Variants in NIM1K observed in about 807,000 individuals in gnomAD.
NIM1K encodes the protein serine/threonine-protein kinase NIM1.
Under a neutral mutation model 37.1 loss-of-function variants are expected in NIM1K, and 35 were observed. That is an observed-to-expected ratio of 0.94 (90% CI 0.72 to 1.25). The LOEUF is 1.25. Among genes scored for constraint, NIM1K ranks in the 50% most tolerant of loss-of-function variants. The pLI is 0.00. For missense variants in NIM1K, 564 were observed against 548.0 expected, an observed-to-expected ratio of 1.03 and a Z score of -0.29; for synonymous variants, 234 against 206.6, an observed-to-expected ratio of 1.13 and a Z score of -1.14.
intron 1 of NIM1K, among the ~76,000 whole-genome samples, chr5:43,240,045 A>G (rs1183965685): frequency 6.6e-6 from 1 of 152,004 alleles, no homozygotes; most frequent in African/African-American, 2.4e-5. Flanking sequence ...AACACATTAA[A>G]TATTTTTAAT....
At position 43,193,990 on chromosome 5, in the gene NIM1K, T is replaced by A. The variant is rs183244373; in HGVS notation, c.-695+1579T>A. On this transcript the variant is annotated intron_variant, in intron 1 of 3. Transcript: ENST00000326035. Reference sequence around the variant, plus strand: ...TCCCAAGGCATGTTGTTGTTTTTTTTATTTTATTTTTTCAGAGTTTGCAGT... The same window carrying A: ...TCCCAAGGCATGTTGTTGTTTTTTTAATTTTATTTTTTCAGAGTTTGCAGT... 5.9e-5 allele frequency among the ~76,000 whole-genome samples: 9 copies of A among 152,348 alleles called. No individual in the cohort carries two copies. In the East Asian group the frequency reaches 1.7e-3, roughly 29 times the overall value.
At chr5:43,266,533 G>T (rs1753164486) in intron 2 of NIM1K, among the ~76,000 whole-genome samples, 1 of 152,146 alleles carries the variant, frequency 6.6e-6, no homozygotes, top group African/African-American at 2.4e-5. Context: ...ACTTCCCTTG[G>T]CTAAGAAAGG....
chr5:43,267,390 C>G (rs1348163463), intron 2 of NIM1K, among the ~76,000 whole-genome samples: 1 of 152,104 alleles, frequency 6.6e-6, no homozygotes, highest in East Asian at 1.9e-4. Flanking sequence ...TTTTGTTTAT[C>G]TTTTCAAAGA....
In NIM1K at chr5:43,222,952, A is replaced by C. The variant is rs550743100; in HGVS notation, c.-694-22130A>C. 2.0e-5 allele frequency among the ~76,000 whole-genome samples: 3 copies of C among 152,088 alleles called. No individual in the cohort carries two copies. In the South Asian group the frequency reaches 6.2e-4, roughly 32 times the overall value. On this transcript the variant is annotated intron_variant, in intron 1 of 3. Transcript: ENST00000326035. ...TCAGGAGTTTGAGACCAGCCTGACC[A>C]ACACGGCGAAACCCCATCTCTACTA...
At chr5:43,256,637 C>G (rs1752951659) in intron 2 of NIM1K, among the ~76,000 whole-genome samples, 1 of 152,206 alleles carries the variant, frequency 6.6e-6, no homozygotes, top group African/African-American at 2.4e-5. Flanking sequence ...TGGCTAGTCT[C>G]TCTGTCTCTC....
chr5:43,213,199 TTCTTTCTTTCTTTCTTTCTTTC>T (rs1259820781), intron 1 of NIM1K, among the ~76,000 whole-genome samples: 4,901 of 66,680 alleles, frequency 0.074, 148 homozygotes, highest in Middle Eastern at 0.12. Context: ...CTTTCTTTCT[TTCTTTCTTTCTTTCTTTCTTTC>T]TTTCCTTCTT....
intron 1 of NIM1K, among the ~76,000 whole-genome samples, chr5:43,203,910 C>T (rs1486467995): frequency 6.6e-6 from 1 of 151,600 alleles, no homozygotes; most frequent in Non-Finnish European, 1.5e-5. Flanking sequence ...CCTATAATCC[C>T]AGCTACTCGG....
intron 2 of NIM1K, among the ~76,000 whole-genome samples, chr5:43,259,301 T>C (rs1752993826): frequency 6.6e-6 from 1 of 152,234 alleles, no homozygotes; most frequent in African/African-American, 2.4e-5. Context: ...ATGGTAGATC[T>C]ACTCTCAGAT....
intron 1 of NIM1K, among the ~76,000 whole-genome samples, chr5:43,223,612 C>G (rs1752411451): frequency 6.6e-6 from 1 of 152,156 alleles, no homozygotes; most frequent in African/African-American, 2.4e-5. Context: ...CAGCTCTCTT[C>G]TTATTAATGT....
chr5:43,207,113 GA>G, intron 1 of NIM1K: 1 of 721,258 alleles, frequency 1.4e-6, no homozygotes, highest in Non-Finnish European at 2.6e-6. Context: ...GGTGGTGTAT[GA>G]TGAAGATTCA....
chr5:43,268,528 C>T (rs1047048706), intron 2 of NIM1K, among the ~76,000 whole-genome samples: 5 of 152,006 alleles, frequency 3.3e-5, no homozygotes, highest in African/African-American at 1.2e-4. Context: ...CCATATGGGT[C>T]CAAGTGAAGC....
chr5:43,239,480 C>T (rs1436571857), intron 1 of NIM1K, among the ~76,000 whole-genome samples: 3 of 145,494 alleles, frequency 2.1e-5, no homozygotes, highest in Non-Finnish European at 3.0e-5. Context: ...CCTCATGATC[C>T]GCCTGCCTTG....
intron 2 of NIM1K, among the ~76,000 whole-genome samples, chr5:43,256,916 C>G (rs2112277922): frequency 6.6e-6 from 1 of 152,294 alleles, no homozygotes; most frequent in Middle Eastern, 3.4e-3. Flanking sequence ...AGGATCACCT[C>G]CCTCATAAAC....
At chr5:43,233,228 T>C (rs1752567640) in intron 1 of NIM1K, 1 of 840,518 alleles carries the variant, frequency 1.2e-6, no homozygotes, top group African/African-American at 1.7e-5. Flanking sequence ...AGATTGTTGC[T>C]TCTTACAGTG....
intron 1 of NIM1K, chr5:43,192,851 C>G (rs1751853534): frequency 6.6e-6 from 1 of 152,292 alleles, no homozygotes; most frequent in African/African-American, 2.4e-5. Flanking sequence ...TGCGCTGGAC[C>G]AGAGCCCTAA....
intron 2 of NIM1K, among the ~76,000 whole-genome samples, chr5:43,257,796 T>G (rs1266989228): frequency 6.6e-6 from 1 of 151,380 alleles, no homozygotes; most frequent in Admixed American, 6.6e-5. Flanking sequence ...TGGTGGCACA[T>G]GCCTATAGTC....
intron 2 of NIM1K, among the ~76,000 whole-genome samples, chr5:43,254,649 G>A (rs1363633112): frequency 6.6e-6 from 1 of 152,216 alleles, no homozygotes; most frequent in Non-Finnish European, 1.5e-5. Flanking sequence ...GGTAGGTGCT[G>A]TATGCTGTGA....
chr5:43,223,209 GGTGCTTAAGAACCCT>G, intron 1 of NIM1K, among the ~76,000 whole-genome samples: 1 of 152,028 alleles, frequency 6.6e-6, no homozygotes, highest in Non-Finnish European at 1.5e-5. Context: ...AGCACACAGT[GGTGCTTAAGAACCCT>G]GAGGCTGGGG....
chr5:43,267,968 T>A (rs1316091050), intron 2 of NIM1K, among the ~76,000 whole-genome samples: 1 of 152,194 alleles, frequency 6.6e-6, no homozygotes, highest in Non-Finnish European at 1.5e-5. Context: ...TAGGTCTACT[T>A]GTTTTAGAGT....
Sources: gnomAD v4.1 joint callset for allele counts (sites outside exome capture counted in the v4.1 genomes callset) on GRCh38, gnomAD v4.1.1 for gene constraint, MANE v1.5 for transcripts, NCBI Gene and HGNC (gene_info 2026-07-23, HGNC 2026-07-21) for gene names.